Variants in SLC26A9 observed in about 807,000 individuals in gnomAD.
The protein encoded by SLC26A9 is solute carrier family 26 member 9.
A neutral mutation model predicts 87.1 loss-of-function variants in SLC26A9; 46 were observed. The ratio of observed to expected loss-of-function variants is 0.53; its 90% CI spans 0.42 to 0.67. SLC26A9 has a LOEUF of 0.67. Ranked by LOEUF, SLC26A9 falls within the 30% of genes least tolerant of loss-of-function variation. The probability of loss-of-function intolerance (pLI) is 0.00; values close to 1 mark genes in which losing one functional copy is unlikely to be tolerated. For missense variants in SLC26A9, 927 were observed against 1,018.3 expected (o/e 0.91, Z 1.22); for synonymous variants, 437 against 409.1 (o/e 1.07, Z -0.82).
chr1:205,928,016 C>G lies in SLC26A9; in HGVS notation c.987G>C (p.Gln329His), dbSNP rs181775319. The G allele has an allele frequency of 1.1e-5, 18 of 1,614,064 alleles. No homozygotes were observed. The African/African-American group carries it at 2.3e-4, about 20-fold the overall frequency. Residue 329 changes from glutamine (Q) to histidine (H), a missense_variant, in exon 9 of 21, where the codon CAG (glutamine) becomes CAC (histidine). By Grantham distance (24) the Gln-to-His change is conservative. Transcript: ENST00000367135. ...AGGCTGTGCCTATCATGTCCTTCCA[C>G]TGTGAGACCACAGGCGACACCGGGG... ...FPTPVSPVVSQWKDMIGTAFS... is the reference protein window; with the variant it reads ...FPTPVSPVVSHWKDMIGTAFS...
chr1:205,933,167 C>T, intron 2 of SLC26A9, 83 bp from the exon 3 acceptor site: 1 of 1,542,696 alleles, frequency 6.5e-7, no homozygotes, highest in Non-Finnish European at 8.9e-7. Context: ...ATATCCTGCT[C>T]ATTTCATTCA....
At chr1:205,919,316 T>C (rs925171133) in intron 18 of SLC26A9, among the ~76,000 whole-genome samples, 1 of 152,140 alleles carries the variant, frequency 6.6e-6, no homozygotes, top group African/African-American at 2.4e-5. Flanking sequence ...TCCTTCCTCT[T>C]GTTTTCCCAG....
chr1:205,928,443 G>C (rs1193690254), intron 8 of SLC26A9: 1 of 388,060 alleles, frequency 2.6e-6, no homozygotes, highest in Non-Finnish European at 4.7e-6. Context: ...CCAGGGCCCA[G>C]CATGGTGCCT....
At chr1:205,916,934 C>T (rs1227357309) in intron 20 of SLC26A9, among the ~76,000 whole-genome samples, 1 of 151,822 alleles carries the variant, frequency 6.6e-6, no homozygotes, top group Admixed American at 6.6e-5. Context: ...AAAGCTGTCT[C>T]TACTAAAAAT....
intron 2 of SLC26A9, among the ~76,000 whole-genome samples, chr1:205,933,899 G>A (rs1659407997): frequency 6.6e-6 from 1 of 152,284 alleles, no homozygotes; most frequent in African/African-American, 2.4e-5. Flanking sequence ...AAACTCAGGA[G>A]CGGTAGGAAC....
rs866862897 is a variant in SLC26A9, at chr1:205,921,728, G to T, written c.1893C>A (p.Ser631Arg). The change falls in exon 17 of 21, where the codon AGC (serine) becomes AGA (arginine). Residue 631 changes from serine to arginine, a missense_variant. Coordinates refer to ENST00000367135, the MANE Select transcript of SLC26A9 (RefSeq NM_052934.4). ...GTGGCTCACTCTGGGCAGGTGAGGAGCTGTCAGGGCTGAAGGTGATATAGG... is the reference window on the plus strand; with the variant it reads ...GTGGCTCACTCTGGGCAGGTGAGGATCTGTCAGGGCTGAAGGTGATATAGG... The part of the protein sequence containing the change: ...SVSYITFSPD[S>R]SSPAQSEPPA... The T allele has an allele frequency of 1.9e-6, 3 of 1,590,266 alleles. No homozygotes were observed. The South Asian group carries it at 3.4e-5, about 18-fold the overall frequency.
chr1:205,931,742 C>T, intron 5 of SLC26A9, 118 bp downstream of exon 5: 3 of 1,353,122 alleles, frequency 2.2e-6, no homozygotes, highest in Admixed American at 2.7e-5. Context: ...GCTGGGATTA[C>T]AGGCATGAGC....
intron 2 of SLC26A9, among the ~76,000 whole-genome samples, chr1:205,934,031 C>T (rs1381913722): frequency 6.6e-6 from 1 of 152,198 alleles, no homozygotes; most frequent in African/African-American, 2.4e-5. Context: ...TGGTGACTCA[C>T]TGGCCTGCTC....
intron 18 of SLC26A9, 75 bp from the exon 19 acceptor site, chr1:205,919,060 A>C: frequency 6.3e-7 from 1 of 1,580,580 alleles, no homozygotes; most frequent in South Asian, 1.1e-5. Context: ...GAAGATAGTG[A>C]GACCAGAGCA....
chr1:205,942,347 G>C (rs78309324), intron 1 of SLC26A9, among the ~76,000 whole-genome samples: 2,666 of 152,268 alleles, frequency 0.018, 71 homozygotes, highest in African/African-American at 0.055. Context: ...GCCAGGATGA[G>C]GGAGGTGGGG....
In SLC26A9 at chr1:205,923,136, C is replaced by G; in HGVS notation, c.1719G>C (p.Glu573Asp). ...LAKQKYLKKQEKRRMRPTQQR... is the reference protein window; with the variant it reads ...LAKQKYLKKQDKRRMRPTQQR... ...GTTGTGTGGGCCTCATTCTCCGCTT[C>G]TCCTGCTTCTTGAGGTATTTTTGCT... Residue 573 changes from glutamate to aspartate, a missense_variant, in exon 16 of 21, where the codon GAG (glutamate) becomes GAC (aspartate). Glu to Asp is a conservative substitution (Grantham distance 45, BLOSUM62 2). Coordinates refer to ENST00000367135, the MANE Select transcript of SLC26A9 (RefSeq NM_052934.4). 6.2e-7 allele frequency: 1 copy of G among 1,614,146 alleles called. No homozygotes were observed. The highest frequency in any genetic ancestry group is 8.5e-7 in the Non-Finnish European group (1 of 1,180,038).
intron 1 of SLC26A9, among the ~76,000 whole-genome samples, chr1:205,937,549 G>A (rs114150432): frequency 1.8e-3 from 279 of 152,336 alleles, no homozygotes; most frequent in African/African-American, 6.5e-3. Flanking sequence ...TGAGGATTCA[G>A]TGAGATCATG....
At chr1:205,920,116 C>A in intron 18 of SLC26A9, 60 bp downstream of exon 18, 1 of 1,603,226 alleles carries the variant, frequency 6.2e-7, no homozygotes. Flanking sequence ...CCCCACCAAC[C>A]TGTTCCTACC....
intron 10 of SLC26A9, 75 bp from the exon 11 acceptor site, chr1:205,927,363 T>A: frequency 6.4e-7 from 1 of 1,571,904 alleles, no homozygotes; most frequent in Non-Finnish European, 8.8e-7. Context: ...ATCCATGGCT[T>A]TGGTGGAGTG....
intron 2 of SLC26A9, among the ~76,000 whole-genome samples, chr1:205,934,219 G>A (rs903980940): frequency 6.6e-6 from 1 of 152,206 alleles, no homozygotes; most frequent in African/African-American, 2.4e-5. Context: ...CCAAGAAAAA[G>A]CATCATCATC....
intron 16 of SLC26A9, among the ~76,000 whole-genome samples, chr1:205,922,385 C>G (rs1443253455): frequency 6.6e-6 from 1 of 152,228 alleles, no homozygotes; most frequent in South Asian, 2.1e-4. Flanking sequence ...GAGAGTGATT[C>G]TCCCATCTCG....
At chr1:205,921,908 T>A in intron 16 of SLC26A9, 61 bp from the exon 17 acceptor site, 1 of 1,550,862 alleles carries the variant, frequency 6.4e-7, no homozygotes, top group Non-Finnish European at 8.7e-7. Context: ...GACCTTGCTG[T>A]GACTGAAGCA....
chr1:205,926,701 C>T lies in SLC26A9; in HGVS notation c.1294-71G>A, dbSNP rs1011196553. Reference sequence around the variant, plus strand: ...TTTTTGCCCTCCTGCGCATACCCGACCCCAAGGCCTGGCAGGACAGAGACG... The same window carrying T: ...TTTTTGCCCTCCTGCGCATACCCGATCCCAAGGCCTGGCAGGACAGAGACG... On this transcript the variant is annotated intron_variant, in intron 11 of 20. Transcript: ENST00000367135. 6.4e-6 allele frequency: 8 copies of T among 1,256,726 alleles called. No homozygotes were observed. In the African/African-American group the frequency reaches 1.2e-4, roughly 19 times the overall value. The allele number at this position is 1,256,726 out of a possible 1,614,324, so 77.8% of individuals were successfully genotyped here.
intron 8 of SLC26A9, chr1:205,928,316 C>G: frequency 2.0e-6 from 1 of 503,930 alleles, no homozygotes; most frequent in Non-Finnish European, 3.6e-6. Context: ...TTTGTTAACT[C>G]CCAGATTCTG....
Sources: gnomAD v4.1 joint callset for allele counts (sites outside exome capture counted in the v4.1 genomes callset) on GRCh38, gnomAD v4.1.1 for gene constraint, MANE v1.5 for transcripts, NCBI Gene and HGNC (gene_info 2026-07-23, HGNC 2026-07-21) for gene names.